PVT1: variants seen among roughly 807,000 people sequenced by gnomAD.
PVT1 encodes CXCR4/PVT1 fusion.
intron 3 of PVT1, among the ~76,000 whole-genome samples, chr8:127,943,775 G>C (rs1028201811): frequency 1.3e-5 from 2 of 152,164 alleles, no homozygotes; most frequent in African/African-American, 4.8e-5. Context: ...CTTCCACAGA[G>C]CCTTCTCCTT....
chr8:127,802,333 C>A (rs999512507), intron 2 of PVT1, among the ~76,000 whole-genome samples: 3 of 152,316 alleles, frequency 2.0e-5, no homozygotes, highest in Non-Finnish European at 2.9e-5. Context: ...CCCACCTCAG[C>A]CTCCTGGGCA....
At chr8:128,086,437 C>T (rs1394755284) in intron 5 of PVT1, among the ~76,000 whole-genome samples, 7 of 152,202 alleles carry the variant, frequency 4.6e-5, no homozygotes, top group Non-Finnish European at 8.8e-5. Flanking sequence ...TACTTCAGGA[C>T]AAGAGGGGTT....
chr8:127,910,996 G>A (rs1815891053), intron 3 of PVT1, among the ~76,000 whole-genome samples: 2 of 152,102 alleles, frequency 1.3e-5, no homozygotes, highest in Non-Finnish European at 2.9e-5. Context: ...TACAGTCTTG[G>A]TGGGTCAGGC....
intron 4 of PVT1, among the ~76,000 whole-genome samples, chr8:128,018,388 CCT>C (rs1232789545): frequency 6.6e-6 from 1 of 152,202 alleles, no homozygotes; most frequent in Non-Finnish European, 1.5e-5. Flanking sequence ...GCCTCTGTCA[CCT>C]CTGTTAGGCT....
chr8:127,939,355 C>G lies in PVT1; in HGVS notation n.782+48357C>G, dbSNP rs1816316384. Among the ~76,000 whole-genome samples the G allele has an allele frequency of 2.0e-5, 3 of 152,178 alleles. No individual in the cohort carries two copies. The South Asian group carries it at 6.2e-4, about 31-fold the overall frequency. On this transcript the variant is annotated intron_variant and non_coding_transcript_variant, in intron 3 of 10. Transcript: ENST00000651587. The stretch of plus-strand genomic sequence containing the variant: ...GGAGCAGAGGTGGACAGGGTATGGT[C>G]CGGCAGGTGGAGGTGCTGGAGAAAA...
intron 4 of PVT1, among the ~76,000 whole-genome samples, chr8:127,998,874 T>C (rs1817141283): frequency 6.7e-6 from 1 of 149,392 alleles, no homozygotes; most frequent in African/African-American, 2.4e-5. Flanking sequence ...TCTCTCTCTC[T>C]CTTTTTTTGG....
intron 3 of PVT1, among the ~76,000 whole-genome samples, chr8:127,962,141 A>G (rs1816650955): frequency 6.6e-6 from 1 of 152,024 alleles, no homozygotes; most frequent in Non-Finnish European, 1.5e-5. Flanking sequence ...TAATTTTTAT[A>G]TTTTCAGTAC....
chr8:127,947,656 G>A (rs1399040261), intron 3 of PVT1: 2 of 453,952 alleles, frequency 4.4e-6, no homozygotes, highest in Non-Finnish European at 8.9e-6. Context: ...GACACCTGGG[G>A]CAGGTTTTTG....
At chr8:128,093,955 G>C (rs1475944902) in intron 5 of PVT1, among the ~76,000 whole-genome samples, 1 of 152,170 alleles carries the variant, frequency 6.6e-6, no homozygotes, top group Non-Finnish European at 1.5e-5. Context: ...AGGAACCAAT[G>C]AATAAGTGAT....
chr8:127,981,763 C>A (rs534181063), intron 3 of PVT1, among the ~76,000 whole-genome samples: 1 of 152,310 alleles, frequency 6.6e-6, no homozygotes, highest in Non-Finnish European at 1.5e-5. Flanking sequence ...TCCCACACCC[C>A]CACTGCATCC....
chr8:127,989,517 T>C (rs775650841), intron 4 of PVT1, among the ~76,000 whole-genome samples: 20 of 152,066 alleles, frequency 1.3e-4, no homozygotes, highest in Non-Finnish European at 2.8e-4. Context: ...CTGTCCCTAG[T>C]GGAGGGAGGA....
At chr8:127,932,461 G>T in intron 3 of PVT1, 1 of 398,588 alleles carries the variant, frequency 2.5e-6, no homozygotes, top group South Asian at 1.3e-4. Flanking sequence ...TATCCTGTCT[G>T]CAGGACTTCG....
chr8:127,900,123 C>G (rs1350726380), intron 3 of PVT1, among the ~76,000 whole-genome samples: 2 of 152,106 alleles, frequency 1.3e-5, no homozygotes, highest in Admixed American at 6.5e-5. Context: ...CTCACTGCAG[C>G]CTCTGCCTCC....
At chr8:128,053,465 T>C (rs1813724287) in intron 4 of PVT1, among the ~76,000 whole-genome samples, 1 of 149,920 alleles carries the variant, frequency 6.7e-6, no homozygotes, top group South Asian at 2.1e-4. Flanking sequence ...ATTATATATA[T>C]AGGTATTAAT....
At chr8:127,941,421 G>C (rs1816348083) in intron 3 of PVT1, among the ~76,000 whole-genome samples, 1 of 152,164 alleles carries the variant, frequency 6.6e-6, no homozygotes, top group African/African-American at 2.4e-5. Context: ...GGGGTGGCAG[G>C]TATTCTGACA....
intron 2 of PVT1, among the ~76,000 whole-genome samples, chr8:127,855,931 C>G (rs1815155554): frequency 6.6e-6 from 1 of 152,228 alleles, no homozygotes; most frequent in Non-Finnish European, 1.5e-5. Context: ...ATGCCCCACT[C>G]CCTTCTCCAT....
At chr8:127,997,045 T>TG (rs1817113496) in intron 4 of PVT1, among the ~76,000 whole-genome samples, 1 of 38,266 alleles carries the variant, frequency 2.6e-5, no homozygotes, top group African/African-American at 9.7e-5. Flanking sequence ...TTTGCTTTCG[T>TG]TTTTTTTTTT....
chr8:128,030,545 C>T (rs547345014), intron 4 of PVT1, among the ~76,000 whole-genome samples: 9 of 152,236 alleles, frequency 5.9e-5, no homozygotes, highest in African/African-American at 2.2e-4. Context: ...ACATAAGTTC[C>T]CCAAAATTAT....
At chr8:127,892,478 G>A (rs1239431228) in intron 3 of PVT1, among the ~76,000 whole-genome samples, 1 of 152,128 alleles carries the variant, frequency 6.6e-6, no homozygotes, top group East Asian at 1.9e-4. Context: ...CTCTTTTCTT[G>A]AGTATATATA....
Sources: gnomAD v4.1 joint callset for allele counts (sites outside exome capture counted in the v4.1 genomes callset) on GRCh38, gnomAD v4.1.1 for gene constraint, MANE v1.5 for transcripts, NCBI Gene and HGNC (gene_info 2026-07-23, HGNC 2026-07-21) for gene names.